The following TRPM3 variants were observed in gnomAD, a reference collection of about 807,000 sequenced individuals.
The protein encoded by TRPM3 is long transient receptor potential channel 3.
A neutral mutation model predicts 181.2 loss-of-function variants in TRPM3; 77 were observed. The ratio of observed to expected loss-of-function variants is 0.42; its 90% CI spans 0.35 to 0.51. TRPM3 has a LOEUF of 0.51. Among genes scored for constraint, TRPM3 ranks in the 20% least tolerant of loss-of-function variants. The pLI, the probability that TRPM3 is intolerant of heterozygous loss-of-function variation, is 0.01. For synonymous variants in TRPM3, 745 were observed against 796.4 expected, an observed-to-expected ratio of 0.94 and a Z score of 1.09; for missense variants, 1,759 against 2,196.7, an observed-to-expected ratio of 0.80 and a Z score of 3.98.
intron 1 of TRPM3, among the ~76,000 whole-genome samples, chr9:71,346,482 T>C (rs1281956123): frequency 6.6e-6 from 1 of 152,202 alleles, no homozygotes; most frequent in Admixed American, 6.5e-5. Context: ...TGCATTAGCT[T>C]TCTGGTAAAC....
rs145865832 is a variant in TRPM3, at chr9:70,938,344, G to C, written c.178-73833C>G. On this transcript the variant is annotated intron_variant, in intron 1 of 25. Transcript: ENST00000677713. ...TCTTTAAGATCACCAATAAGTCACT[G>C]TCACCAACGCCACTGGATAACTTGT... 2.6e-3 allele frequency among the ~76,000 whole-genome samples: 395 copies of C among 152,234 alleles called. 3 individuals carry two copies. Among genetic ancestry groups the C allele is most frequent in the African/African-American group, 9.1e-3 (379 of 41,544 alleles).
intron 1 of TRPM3, among the ~76,000 whole-genome samples, chr9:70,953,699 C>T (rs1167497928): frequency 6.6e-6 from 1 of 152,120 alleles, no homozygotes; most frequent in African/African-American, 2.4e-5. Context: ...AATGTGTGTA[C>T]ATATAAGCCA....
intron 1 of TRPM3, among the ~76,000 whole-genome samples, chr9:71,027,529 G>T (rs1489594863): frequency 6.6e-6 from 1 of 152,160 alleles, no homozygotes; most frequent in African/African-American, 2.4e-5. Context: ...AGATTCAGGA[G>T]AATACTGAAA....
intron 8 of TRPM3, among the ~76,000 whole-genome samples, chr9:70,684,220 G>T (rs1388267063): frequency 6.6e-6 from 1 of 152,210 alleles, no homozygotes; most frequent in Non-Finnish European, 1.5e-5. Flanking sequence ...GTTGAGGAAA[G>T]GAAGATGGGT....
intron 1 of TRPM3, among the ~76,000 whole-genome samples, chr9:71,385,375 C>T (rs1003018599): frequency 6.6e-6 from 1 of 152,208 alleles, no homozygotes; most frequent in Non-Finnish European, 1.5e-5. Flanking sequence ...AAACTAGCAA[C>T]TCACAAGGTA....
intron 1 of TRPM3, among the ~76,000 whole-genome samples, chr9:71,300,969 C>G (rs945556060): frequency 2.0e-5 from 3 of 152,086 alleles, no homozygotes; most frequent in African/African-American, 7.2e-5. Context: ...TATTCAATGG[C>G]TAATATGTGC....
In TRPM3 at chr9:70,829,627, T is replaced by C. The variant is rs574767864; in HGVS notation, c.802-1609A>G. Among the ~76,000 whole-genome samples, 3 of 152,358 alleles carry C rather than the reference T, an allele frequency of 2.0e-5. No homozygotes were observed. The East Asian group carries it at 5.8e-4, about 29-fold the overall frequency. On this transcript the variant is annotated intron_variant, in intron 5 of 25. Coordinates refer to ENST00000677713, the MANE Select transcript of TRPM3 (RefSeq NM_001366145.2). The stretch of plus-strand genomic sequence containing the variant: ...CAATGTAGCATTAATGTAGCATTTG[T>C]TAATGCAGCATTAATATAAGGTTAA...
At chr9:70,771,740 C>T (rs1349603929) in intron 7 of TRPM3, among the ~76,000 whole-genome samples, 1 of 152,074 alleles carries the variant, frequency 6.6e-6, no homozygotes, top group Admixed American at 6.6e-5. Flanking sequence ...ATCTCTTCTC[C>T]CCTCCCCTCA....
intron 1 of TRPM3, among the ~76,000 whole-genome samples, chr9:71,273,436 C>A (rs1459852004): frequency 6.6e-6 from 1 of 152,192 alleles, no homozygotes; most frequent in Non-Finnish European, 1.5e-5. Context: ...GTCTTCTATT[C>A]TCTTTCACCT....
chr9:70,916,998 A>G, intron 1 of TRPM3: 1 of 1,546,794 alleles, frequency 6.5e-7, no homozygotes, highest in Non-Finnish European at 8.9e-7. Context: ...GAGGAGTTAG[A>G]AGTCCTGGGA....
intron 1 of TRPM3, among the ~76,000 whole-genome samples, chr9:71,334,943 T>A (rs1420187429): frequency 6.6e-6 from 1 of 152,114 alleles, no homozygotes; most frequent in African/African-American, 2.4e-5. Flanking sequence ...AATATTGAGC[T>A]CCATAAAGAA....
rs536525805 is a variant in TRPM3, at chr9:70,997,972, C to T, written c.177+123206G>A. Among the ~76,000 whole-genome samples, 3 of 152,112 alleles carry T rather than the reference C, an allele frequency of 2.0e-5. No individual in the cohort carries two copies. The South Asian group carries it at 6.2e-4, about 32-fold the overall frequency. On this transcript the variant is annotated intron_variant, in intron 1 of 25. Transcript: ENST00000677713. ...TCACAATAGAATGTCCCACATCCCACAGCACACAGCCCACACAGTAACAAG... is the reference window on the plus strand; with the variant it reads ...TCACAATAGAATGTCCCACATCCCATAGCACACAGCCCACACAGTAACAAG...
At chr9:71,080,199 T>TAAATAAATAAATAAAC in intron 1 of TRPM3, among the ~76,000 whole-genome samples, 1 of 149,260 alleles carries the variant, frequency 6.7e-6, no homozygotes, top group South Asian at 2.1e-4. Flanking sequence ...AATAAATAAA[T>TAAATAAATAAATAAAC]AAATAAATAA....
At chr9:70,564,985 C>T (rs1490365952) in intron 22 of TRPM3, among the ~76,000 whole-genome samples, 1 of 152,206 alleles carries the variant, frequency 6.6e-6, no homozygotes, top group Non-Finnish European at 1.5e-5. Context: ...CCCTCTGGAT[C>T]CCAAGCTCTG....
chr9:71,239,126 T>A (rs772702584), intron 1 of TRPM3, among the ~76,000 whole-genome samples: 3 of 152,008 alleles, frequency 2.0e-5, no homozygotes, highest in Non-Finnish European at 4.4e-5. Flanking sequence ...GTACCACAAA[T>A]CCAATGCGGA....
intron 6 of TRPM3, among the ~76,000 whole-genome samples, chr9:70,809,032 C>T (rs2091311691): frequency 6.6e-6 from 1 of 151,958 alleles, no homozygotes; most frequent in African/African-American, 2.4e-5. Flanking sequence ...CCTGTGCAGG[C>T]CTAGTTTAAT....
At chr9:71,148,299 A>G (rs1010299605) in intron 1 of TRPM3, among the ~76,000 whole-genome samples, 2 of 152,162 alleles carry the variant, frequency 1.3e-5, no homozygotes. Context: ...CTAGAAGAAT[A>G]TTTTTAAAAC....
intron 1 of TRPM3, among the ~76,000 whole-genome samples, chr9:71,051,538 T>A (rs1253250189): frequency 6.6e-6 from 1 of 152,114 alleles, no homozygotes; most frequent in East Asian, 1.9e-4. Context: ...GCCACTTCAC[T>A]CATGTTAGGG....
At chr9:70,891,942 G>GA (rs1238052516) in intron 1 of TRPM3, among the ~76,000 whole-genome samples, 1 of 152,112 alleles carries the variant, frequency 6.6e-6, no homozygotes, top group Non-Finnish European at 1.5e-5. Context: ...ATATCCCAGA[G>GA]TTTCATTTTA....
Sources: allele counts gnomAD v4.1 joint callset (sites outside exome capture counted in the v4.1 genomes callset), GRCh38; gene constraint gnomAD v4.1.1; transcripts MANE v1.5; gene names NCBI Gene and HGNC (gene_info 2026-07-23, HGNC 2026-07-21).